The following CEND1 variants were observed in gnomAD, a reference collection of about 807,000 sequenced individuals.
The protein encoded by CEND1 is cell cycle exit and neuronal differentiation 1.
CEND1 carries 1 observed loss-of-function variant against 4.4 expected under a neutral mutation model. The ratio of observed to expected loss-of-function variants is 0.23; its 90% CI spans 0.08 to 1.09. The LOEUF (loss-of-function observed/expected upper bound fraction) is 1.09, where lower values mean the gene tolerates loss of function less well. Ranked by LOEUF, CEND1 falls within the 50% of genes least tolerant of loss-of-function variation. The pLI is 0.55. For synonymous variants in CEND1, 109 were observed against 93.0 expected (o/e 1.17, Z -0.99); for missense variants, 213 against 201.2 (o/e 1.06, Z -0.35).
At chr11:788,687 G>A (rs1864393367) in intron 1 of CEND1, 29 bp from the exon 2 acceptor site, 4 of 1,082,908 alleles carry the variant, frequency 3.7e-6, no homozygotes, top group South Asian at 2.2e-5. Context: ...GAGGCTGCGC[G>A]CGGGTCCAGT....
chr11:789,515 G>C (rs750763489), intron 1 of CEND1, among the ~76,000 whole-genome samples: 1 of 152,204 alleles, frequency 6.6e-6, no homozygotes, highest in Non-Finnish European at 1.5e-5. Context: ...CCGAGGCAGA[G>C]GTGGGAAGGG....
rs1390112938 is a variant in CEND1 at position 788,655 on chromosome 11, G to A, written c.-79C>T. 3.7e-6 allele frequency: 5 copies of A among 1,347,342 alleles called. No individual in the cohort carries two copies. The highest frequency in any genetic ancestry group is 3.9e-6 in the Non-Finnish European group (4 of 1,015,844). 83.5% of individuals were successfully genotyped at this position (1,347,342 alleles called of 1,614,324 possible). A position where few individuals can be genotyped will look rare whatever the true frequency, so the allele number is the denominator to read the frequency against. On this transcript the variant is annotated 5_prime_UTR_variant, in exon 2 of 2. Coordinates refer to ENST00000330106, the MANE Select transcript of CEND1 (RefSeq NM_016564.4). ...AGTTTGTCGCCCCTGGGCATTCTAT[G>A]GGCCTGGAGGGAGACACAAGGGAGG...
In CEND1 at chr11:788,385, C is replaced by T. The variant is rs201735178; in HGVS notation, c.192G>A (p.Ser64=). ...APTTAPAKKT[S]AKADPALLNN... ...TGAGAAGGGCAGGGTCGGCCTTGGC[C>T]GAGGTCTTCTTGGCAGGTGCCGTGG... The change falls in exon 2 of 2, where the codon TCG becomes TCA. Residue 64 remains serine, a synonymous_variant. Coordinates refer to ENST00000330106, the MANE Select transcript of CEND1 (RefSeq NM_016564.4). 2 of 1,595,580 alleles carry T rather than the reference C, an allele frequency of 1.3e-6. No homozygotes were observed. The highest frequency in any genetic ancestry group is 2.2e-5 in the East Asian group (1 of 44,476).
chr11:788,603 G>T lies in CEND1; in HGVS notation c.-27C>A. 1 of 1,496,602 alleles carries T rather than the reference G, an allele frequency of 6.7e-7. No individual in the cohort carries two copies. The allele number at this position is 1,496,602 out of a possible 1,614,324, so 92.7% of individuals were successfully genotyped here. A position where few individuals can be genotyped will look rare whatever the true frequency, so the allele number is the denominator to read the frequency against. On this transcript the variant is annotated 5_prime_UTR_variant, in exon 2 of 2. It adds an upstream start codon to the 5' untranslated region. Coordinates refer to ENST00000330106, the MANE Select transcript of CEND1 (RefSeq NM_016564.4). ...GTGGGCGGGGCGTATGGGACAGGCA[G>T]GTGGCTGCACCAGAGGGGCTCAGGA...
At chr11:789,778 C>G (rs944447409) in intron 1 of CEND1, among the ~76,000 whole-genome samples, 11 of 152,294 alleles carry the variant, frequency 7.2e-5, no homozygotes, top group African/African-American at 2.6e-4. Flanking sequence ...CCCTTCACCC[C>G]TGCAGTTCTC....
In CEND1 at chr11:788,626, G is replaced by A; in HGVS notation, c.-50C>T. ...CAGGTGGCTGCACCAGAGGGGCTCA[G>A]GACAGTTTGTCGCCCCTGGGCATTC... On this transcript the variant is annotated 5_prime_UTR_variant, in exon 2 of 2. Coordinates refer to ENST00000330106, the MANE Select transcript of CEND1 (RefSeq NM_016564.4). 2.0e-6 allele frequency: 3 copies of A among 1,471,350 alleles called. No homozygotes were observed. The highest frequency in any genetic ancestry group is 2.9e-5 in the South Asian group (2 of 69,268). 91.1% of individuals were successfully genotyped at this position (1,471,350 alleles called of 1,614,324 possible). A position where few individuals can be genotyped will look rare whatever the true frequency, so the allele number is the denominator to read the frequency against.
In CEND1 at chr11:788,404, G is replaced by T. The variant is rs745933928; in HGVS notation, c.173C>A (p.Ala58Glu). ...KQQPPAAPTT[A>E]PAKKTSAKAD... Reference sequence around the variant, plus strand: ...CTTGGCCGAGGTCTTCTTGGCAGGTGCCGTGGTGGGGGCTGCTGGCGGCTG... The same window carrying T: ...CTTGGCCGAGGTCTTCTTGGCAGGTTCCGTGGTGGGGGCTGCTGGCGGCTG... The change falls in exon 2 of 2, where the codon GCA (alanine) becomes GAA (glutamate). Residue 58 changes from alanine to glutamate, a missense_variant. Coordinates refer to ENST00000330106, the MANE Select transcript of CEND1 (RefSeq NM_016564.4). 37 of 1,591,322 alleles carry T rather than the reference G, an allele frequency of 2.3e-5. No homozygotes were observed. The highest frequency in any genetic ancestry group is 2.9e-5 in the Non-Finnish European group (34 of 1,166,110).
chr11:787,828 TG>T lies in CEND1; in HGVS notation c.*298del, dbSNP rs71022974. 148,842 of 218,910 alleles carry T rather than the reference TG, an allele frequency of 0.68. 51,126 individuals are homozygous for T. Among genetic ancestry groups the T allele is most frequent in the Admixed American group, 0.7 (12,062 of 17,114 alleles). 13.6% of individuals were successfully genotyped at this position (218,910 alleles called of 1,614,324 possible). ...CCCAGGATCACCCAGCCGCCAGGGG[TG>T]GGGGGGGCCACACACAGGGTCCATT... is the stretch of plus-strand genomic sequence containing the variant. On this transcript the variant is annotated 3_prime_UTR_variant, in exon 2 of 2. Coordinates refer to ENST00000330106, the MANE Select transcript of CEND1 (RefSeq NM_016564.4).
chr11:787,702 G>A lies in CEND1; in HGVS notation c.*425C>T, dbSNP rs1864372851. The A allele has an allele frequency of 6.4e-6, 1 of 155,538 alleles. No individual in the cohort carries two copies. The highest frequency in any genetic ancestry group is 2.4e-5 in the African/African-American group (1 of 41,566). The allele number at this position is 155,538 out of a possible 1,614,324, so 9.6% of individuals were successfully genotyped here. On this transcript the variant is annotated 3_prime_UTR_variant, in exon 2 of 2. Transcript: ENST00000330106. ...GGGGGGTACGCAAAGAGCAGAAATGGGGCGAGTGGAGCCACCGCGCCCTTT... is the reference window on the plus strand; with the variant it reads ...GGGGGGTACGCAAAGAGCAGAAATGAGGCGAGTGGAGCCACCGCGCCCTTT...
rs995725869 is a variant in CEND1, at chr11:788,368, G to A, written c.209C>T (p.Ala70Val). ...AKKTSAKADP[A>V]LLNNHSNLKP... ...CAGGTTGCTGTGGTTGTTGAGAAGG[G>A]CAGGGTCGGCCTTGGCCGAGGTCTT... The change falls in exon 2 of 2, where the codon GCC (alanine) becomes GTC (valine). Residue 70 changes from alanine (A) to valine (V), a missense_variant. Coordinates refer to ENST00000330106, the MANE Select transcript of CEND1 (RefSeq NM_016564.4). The A allele has an allele frequency of 6.2e-7, 1 of 1,600,290 alleles. No homozygotes were observed. The highest frequency in any genetic ancestry group is 1.1e-5 in the South Asian group (1 of 90,480).
At position 787,503 on chromosome 11, in the gene CEND1, G is replaced by A. The variant is rs1289461680; in HGVS notation, c.*624C>T. On this transcript the variant is annotated 3_prime_UTR_variant, in exon 2 of 2. Coordinates refer to ENST00000330106, the MANE Select transcript of CEND1 (RefSeq NM_016564.4). ...CCCCGCCGGCGTCGGGGCTCCCCTG[G>A]AGCACAAGCTGGGGAAGGCGACCCT... 1 of 152,486 alleles carries A rather than the reference G, an allele frequency of 6.6e-6. No individual in the cohort carries two copies. The highest frequency in any genetic ancestry group is 1.5e-5 in the Non-Finnish European group (1 of 68,076). 9.4% of individuals were successfully genotyped at this position (152,486 alleles called of 1,614,324 possible).
At chr11:789,773 C>A (rs911852855) in intron 1 of CEND1, among the ~76,000 whole-genome samples, 1 of 152,162 alleles carries the variant, frequency 6.6e-6, no homozygotes, top group African/African-American at 2.4e-5. Flanking sequence ...GCCGTCCCTT[C>A]ACCCCTGCAG....
In CEND1 at chr11:788,336, C is replaced by T; in HGVS notation, c.241G>A (p.Ala81Thr). 1 of 1,605,218 alleles carries T rather than the reference C, an allele frequency of 6.2e-7. No homozygotes were observed. The highest frequency in any genetic ancestry group is 8.5e-7 in the Non-Finnish European group (1 of 1,173,724). Residue 81 changes from alanine (A) to threonine (T), a missense_variant, in exon 2 of 2, where the codon GCC becomes ACC. By Grantham distance (58) the Ala-to-Thr change is moderately conservative (BLOSUM62 0). Transcript: ENST00000330106. Reference protein sequence around the residue: ...LLNNHSNLKPAPTVPSSPDAT... With the variant: ...LLNNHSNLKPTPTVPSSPDAT... ...TCGGGACTGCTGGGGACCGTGGGGG[C>T]TGGCTTCAGGTTGCTGTGGTTGTTG...
chr11:787,971 C>T lies in CEND1; in HGVS notation c.*156G>A, dbSNP rs961033572. ...AGTCCTGGGTCAGCAGGGGTGGGCT[C>T]GGGCGTCCTCTTCACCGTGCGCGTG... On this transcript the variant is annotated 3_prime_UTR_variant, in exon 2 of 2. Transcript: ENST00000330106. 6.6e-5 allele frequency: 36 copies of T among 544,468 alleles called. No homozygotes were observed. Among genetic ancestry groups the T allele is most frequent in the East Asian group, 4.0e-4 (12 of 30,248 alleles). The allele number at this position is 544,468 out of a possible 1,614,324, so 33.7% of individuals were successfully genotyped here. A position where few individuals can be genotyped will look rare whatever the true frequency, so the allele number is the denominator to read the frequency against.
Position 788,320 on chromosome 11 carries a change from C to T in CEND1, c.257G>A (p.Ser86Asn). Residue 86 changes from serine (S) to asparagine (N), a missense_variant, in exon 2 of 2, where the codon AGC (serine) becomes AAC (asparagine). Coordinates refer to ENST00000330106, the MANE Select transcript of CEND1 (RefSeq NM_016564.4). ...SNLKPAPTVPSSPDATPEPKG... is the reference protein window; with the variant it reads ...SNLKPAPTVPNSPDATPEPKG... ...GGGCTCCGGGGTTGCATCGGGACTGCTGGGGACCGTGGGGGCTGGCTTCAG... is the reference window on the plus strand; with the variant it reads ...GGGCTCCGGGGTTGCATCGGGACTGTTGGGGACCGTGGGGGCTGGCTTCAG... The T allele has an allele frequency of 6.2e-7, 1 of 1,608,212 alleles. No homozygotes were observed. Among genetic ancestry groups the T allele is most frequent in the Non-Finnish European group, 8.5e-7 (1 of 1,175,838 alleles).
Position 788,486 on chromosome 11 carries a change from C to G in CEND1, c.91G>C (p.Asp31His). The G allele has an allele frequency of 6.5e-7, 1 of 1,542,988 alleles. No homozygotes were observed. Among genetic ancestry groups the G allele is most frequent in the Non-Finnish European group, 8.7e-7 (1 of 1,144,030 alleles). ...GGCTTGGTCAAGGGGGCTTTCCCATCGGCTGCCGGGGGTACCTTGGCCTCG... is the reference window on the plus strand; with the variant it reads ...GGCTTGGTCAAGGGGGCTTTCCCATGGGCTGCCGGGGGTACCTTGGCCTCG... ...TTEAKVPPAA[D>H]GKAPLTKPSK... Residue 31 changes from aspartate (D) to histidine (H), a missense_variant, in exon 2 of 2, where the codon GAT becomes CAT. Asp to His is a moderately conservative substitution (Grantham distance 81, BLOSUM62 -1). Transcript: ENST00000330106.
Position 788,248 on chromosome 11 carries a change from C to T in CEND1, c.329G>A (p.Gly110Glu). ...GAEEDEAASG[G>E]PGGRGPWSCE... ...GGACCAGGGACCTCGGCCCCCAGGC[C>T]CCCCACTGGCAGCCTCATCTTCCTC... is the stretch of plus-strand genomic sequence containing the variant. Residue 110 changes from glycine to glutamate, a missense_variant, in exon 2 of 2, where the codon GGG becomes GAG. By Grantham distance (98) the Gly-to-Glu change is moderately conservative. Transcript: ENST00000330106. 1 of 1,611,226 alleles carries T rather than the reference C, an allele frequency of 6.2e-7. No homozygotes were observed. The highest frequency in any genetic ancestry group is 1.1e-5 in the South Asian group (1 of 90,810).
At position 788,369 on chromosome 11, in the gene CEND1, C is replaced by G. The variant is rs137950098; in HGVS notation, c.208G>C (p.Ala70Pro). The G allele has an allele frequency of 1.1e-4, 175 of 1,599,606 alleles. No homozygotes were observed. The African/African-American group carries it at 2.1e-3, about 19-fold the overall frequency. Residue 70 changes from alanine to proline, a missense_variant, in exon 2 of 2, where the codon GCC becomes CCC. Transcript: ENST00000330106. ...AGGTTGCTGTGGTTGTTGAGAAGGG[C>G]AGGGTCGGCCTTGGCCGAGGTCTTC... The part of the protein sequence containing the change: ...AKKTSAKADP[A>P]LLNNHSNLKP...
At position 788,234 on chromosome 11, in the gene CEND1, C is replaced by T. The variant is rs1864383424; in HGVS notation, c.343G>A (p.Gly115Ser). 1.2e-6 allele frequency: 2 copies of T among 1,610,696 alleles called. No homozygotes were observed. The highest frequency in any genetic ancestry group is 1.7e-5 in the Admixed American group (1 of 59,602). Residue 115 changes from glycine (G) to serine (S), a missense_variant, in exon 2 of 2, where the codon GGT becomes AGT. Coordinates refer to ENST00000330106, the MANE Select transcript of CEND1 (RefSeq NM_016564.4). ...TTGAAGTTCTCACAGGACCAGGGAC[C>T]TCGGCCCCCAGGCCCCCCACTGGCA... Reference protein sequence around the residue: ...EAASGGPGGRGPWSCENFNPL... With the variant: ...EAASGGPGGRSPWSCENFNPL...
Sources: allele counts gnomAD v4.1 joint callset (sites outside exome capture counted in the v4.1 genomes callset), GRCh38; gene constraint gnomAD v4.1.1; transcripts MANE v1.5; gene names NCBI Gene and HGNC (gene_info 2026-07-23, HGNC 2026-07-21).